The following AGBL4 variants were observed in gnomAD, a reference collection of about 807,000 sequenced individuals.
AGBL4 encodes AGBL carboxypeptidase 4.
In AGBL4, 58 loss-of-function variants were observed where a neutral mutation model predicts 66.4. The ratio of observed to expected loss-of-function variants is 0.87; its 90% CI spans 0.71 to 1.09. AGBL4 has a LOEUF of 1.09. Ranked by LOEUF, AGBL4 falls within the 50% of genes least tolerant of loss-of-function variation. AGBL4 has a pLI of 0.00. For missense variants in AGBL4, 579 were observed against 631.0 expected, an observed-to-expected ratio of 0.92 and a Z score of 0.88; for synonymous variants, 234 against 222.9, an observed-to-expected ratio of 1.05 and a Z score of -0.44.
intron 3 of AGBL4, among the ~76,000 whole-genome samples, chr1:49,358,241 C>T (rs1644060598): frequency 6.6e-6 from 1 of 152,130 alleles, no homozygotes; most frequent in Non-Finnish European, 1.5e-5. Context: ...CTTACACATA[C>T]ACCTCATACC....
At chr1:49,391,179 T>A (rs1644838320) in intron 3 of AGBL4, among the ~76,000 whole-genome samples, 1 of 152,056 alleles carries the variant, frequency 6.6e-6, no homozygotes, top group African/African-American at 2.4e-5. Flanking sequence ...GCGTGAGAGA[T>A]TGATCAGAAA....
chr1:49,426,120 C>G (rs1645653122), intron 3 of AGBL4, among the ~76,000 whole-genome samples: 1 of 152,066 alleles, frequency 6.6e-6, no homozygotes, highest in South Asian at 2.1e-4. Context: ...AAGTCCTTAC[C>G]TTTCATAAAC....
chr1:49,389,713 C>T (rs574583811), intron 3 of AGBL4, among the ~76,000 whole-genome samples: 2 of 152,076 alleles, frequency 1.3e-5, no homozygotes, highest in African/African-American at 2.4e-5. Context: ...GTTTATAGAG[C>T]TGACAGTGAG....
At chr1:49,203,806 A>G (rs549674965) in intron 4 of AGBL4, among the ~76,000 whole-genome samples, 4 of 152,336 alleles carry the variant, frequency 2.6e-5, no homozygotes, top group Admixed American at 2.6e-4. Flanking sequence ...CTCTGTCTCA[A>G]AAAACAAAAA....
intron 6 of AGBL4, among the ~76,000 whole-genome samples, chr1:48,732,845 A>G (rs1648366245): frequency 6.6e-6 from 1 of 152,190 alleles, no homozygotes; most frequent in Non-Finnish European, 1.5e-5. Flanking sequence ...CAGCGAGAAG[A>G]TGGCTGGACA....
intron 11 of AGBL4, among the ~76,000 whole-genome samples, chr1:48,557,866 T>C (rs1644343921): frequency 6.6e-6 from 1 of 152,192 alleles, no homozygotes; most frequent in Non-Finnish European, 1.5e-5. Context: ...GGACTACCCA[T>C]TGGACCCCTA....
chr1:49,923,021 AG>A (rs1339305212), intron 1 of AGBL4, among the ~76,000 whole-genome samples: 1 of 152,226 alleles, frequency 6.6e-6, no homozygotes, highest in Non-Finnish European at 1.5e-5. Context: ...GACAATCCTA[AG>A]CAAAAACAAC....
intron 3 of AGBL4, among the ~76,000 whole-genome samples, chr1:49,407,940 C>G (rs74077108): frequency 0.025 from 3,842 of 152,244 alleles, 154 homozygotes; most frequent in African/African-American, 0.087. Flanking sequence ...AAATGTCCAG[C>G]CTTTACTGAG....
chr1:49,467,735 G>A (rs1050808045), intron 3 of AGBL4, among the ~76,000 whole-genome samples: 6 of 151,800 alleles, frequency 4.0e-5, no homozygotes, highest in African/African-American at 1.4e-4. Flanking sequence ...GATTTCTTAA[G>A]GTCTTGTTCA....
chr1:48,744,942 C>T (rs935836265), intron 6 of AGBL4, among the ~76,000 whole-genome samples: 4 of 152,192 alleles, frequency 2.6e-5, no homozygotes, highest in Admixed American at 6.5e-5. Context: ...GTTAGACTTT[C>T]GGACATAGCT....
chr1:49,389,375 T>C (rs985129157), intron 3 of AGBL4, among the ~76,000 whole-genome samples: 30 of 152,288 alleles, frequency 2.0e-4, no homozygotes, highest in South Asian at 2.1e-4. Flanking sequence ...TCTATTTGCC[T>C]AGCTGGTTAA....
In AGBL4 at chr1:50,014,082, G is replaced by A. The variant is rs1661751550; in HGVS notation, c.34+9681C>T. 2.0e-5 allele frequency among the ~76,000 whole-genome samples: 3 copies of A among 152,094 alleles called. No individual in the cohort carries two copies. The East Asian group carries it at 5.8e-4, about 29-fold the overall frequency. The stretch of plus-strand genomic sequence containing the variant: ...AACAGAGACAGATACATCCAAATGA[G>A]GTTTTAAAGGCCAGGTGTGGTGGCT... On this transcript the variant is annotated intron_variant, in intron 1 of 13. Coordinates refer to ENST00000371839, the MANE Select transcript of AGBL4 (RefSeq NM_032785.4).
At chr1:49,938,569 T>C (rs1289909181) in intron 1 of AGBL4, among the ~76,000 whole-genome samples, 1 of 152,170 alleles carries the variant, frequency 6.6e-6, no homozygotes, top group Non-Finnish European at 1.5e-5. Flanking sequence ...CCAATATCCT[T>C]GATGAACATT....
At chr1:49,273,947 G>T (rs1644114617) in intron 3 of AGBL4, among the ~76,000 whole-genome samples, 1 of 152,144 alleles carries the variant, frequency 6.6e-6, no homozygotes, top group Non-Finnish European at 1.5e-5. Context: ...CTCCCAAAGT[G>T]CTGGGATTAC....
At chr1:48,937,085 T>C (rs1276188879) in intron 5 of AGBL4, among the ~76,000 whole-genome samples, 6 of 152,230 alleles carry the variant, frequency 3.9e-5, no homozygotes, top group Non-Finnish European at 7.3e-5. Flanking sequence ...AGAATGTGAC[T>C]TTCCTGATAT....
At chr1:49,794,742 C>T (rs1644688827) in intron 2 of AGBL4, among the ~76,000 whole-genome samples, 2 of 151,788 alleles carry the variant, frequency 1.3e-5, no homozygotes, top group South Asian at 2.1e-4. Flanking sequence ...ATGCATGACT[C>T]ATAATAGGAA....
intron 3 of AGBL4, among the ~76,000 whole-genome samples, chr1:49,384,364 C>T (rs184732253): frequency 1.6e-4 from 25 of 151,536 alleles, no homozygotes; most frequent in Admixed American, 7.2e-4. Flanking sequence ...GAGGTCGAGG[C>T]GGGCGGATCA....
intron 3 of AGBL4, among the ~76,000 whole-genome samples, chr1:49,586,314 G>C (rs1327827727): frequency 6.6e-6 from 1 of 152,184 alleles, no homozygotes; most frequent in South Asian, 2.1e-4. Flanking sequence ...AGTATGCCTA[G>C]AGAATGACTA....
At chr1:48,605,164 A>T (rs1645136076) in intron 9 of AGBL4, among the ~76,000 whole-genome samples, 1 of 152,214 alleles carries the variant, frequency 6.6e-6, no homozygotes, top group African/African-American at 2.4e-5. Flanking sequence ...TATCCATAAT[A>T]CAAGTTCTTA....
Sources: gnomAD v4.1 joint callset for allele counts (sites outside exome capture counted in the v4.1 genomes callset) on GRCh38, gnomAD v4.1.1 for gene constraint, MANE v1.5 for transcripts, NCBI Gene and HGNC (gene_info 2026-07-23, HGNC 2026-07-21) for gene names.